The following ARHGAP15 variants were observed in gnomAD, a reference collection of about 807,000 sequenced individuals.
ARHGAP15 encodes the protein Rho GTPase activating protein 15, also known as rho GTPase-activating protein 15.
Under a neutral mutation model 63.7 loss-of-function variants are expected in ARHGAP15, and 51 were observed. The ratio of observed to expected loss-of-function variants is 0.80; its 90% confidence interval spans 0.64 to 1.01. The LOEUF (loss-of-function observed/expected upper bound fraction) is 1.01, where lower values mean the gene tolerates loss of function less well. ARHGAP15 is among the 50% of genes least tolerant of loss of function. The pLI, the probability that ARHGAP15 is intolerant of heterozygous loss-of-function variation, is 0.00. For missense variants in ARHGAP15, 560 were observed against 564.6 expected (o/e 0.99, Z 0.08); for synonymous variants, 191 against 193.8 (o/e 0.99, Z 0.12).
chr2:143,555,239 G>A (rs916417464), intron 10 of ARHGAP15, among the ~76,000 whole-genome samples: 2 of 152,054 alleles, frequency 1.3e-5, no homozygotes, highest in Non-Finnish European at 1.5e-5. Flanking sequence ...AAATGGTAAA[G>A]CAATAAATGA....
chr2:143,721,157 G>A (rs962980464), intron 13 of ARHGAP15, among the ~76,000 whole-genome samples: 1 of 151,656 alleles, frequency 6.6e-6, no homozygotes, highest in East Asian at 1.9e-4. Context: ...TGCCACTGCT[G>A]CTGCTGGTCT....
chr2:143,765,109 A>ATGTGTGTGTG lies in ARHGAP15; in HGVS notation c.1245-2851_1245-2842dup, dbSNP rs60894627. Among the ~76,000 whole-genome samples, 1,297 of 147,600 alleles carry ATGTGTGTGTG rather than the reference A, an allele frequency of 8.8e-3. 20 individuals carry two copies. The highest frequency in any genetic ancestry group is 0.031 in the African/African-American group (1,217 of 39,660). ...CTATCTCCATATTTGCCTCTAAAATATGTGTGTGTGTGTGTGTGTGTGTGT... is the reference window on the plus strand; with the variant it reads ...CTATCTCCATATTTGCCTCTAAAATATGTGTGTGTGTGTGTGTGTGTGTGTGTGTGTGTGT... On this transcript the variant is annotated intron_variant, in intron 13 of 13. Coordinates refer to ENST00000295095, the MANE Select transcript of ARHGAP15 (RefSeq NM_018460.4).
intron 12 of ARHGAP15, among the ~76,000 whole-genome samples, chr2:143,687,442 A>G (rs558419067): frequency 2.0e-5 from 3 of 152,328 alleles, no homozygotes; most frequent in African/African-American, 7.2e-5. Context: ...ATTTACATAC[A>G]TGGCACTGCA....
chr2:143,314,408 G>A (rs996755486), intron 6 of ARHGAP15: 1 of 152,184 alleles, frequency 6.6e-6, no homozygotes, highest in Non-Finnish European at 1.5e-5. Context: ...CACATGGCTG[G>A]GATGAGGCTG....
chr2:143,419,263 G>A (rs1688811392), intron 6 of ARHGAP15, among the ~76,000 whole-genome samples: 1 of 152,062 alleles, frequency 6.6e-6, no homozygotes, highest in South Asian at 2.1e-4. Context: ...AATATGAATT[G>A]AAATGGGCTT....
At chr2:143,531,070 C>CAG (rs1694501852) in intron 10 of ARHGAP15, among the ~76,000 whole-genome samples, 1 of 151,808 alleles carries the variant, frequency 6.6e-6, no homozygotes, top group African/African-American at 2.4e-5. Context: ...ACCTTTTTCA[C>CAG]AGAGACTACA....
intron 6 of ARHGAP15, among the ~76,000 whole-genome samples, chr2:143,269,562 T>C (rs1681165154): frequency 6.6e-6 from 1 of 152,170 alleles, no homozygotes; most frequent in African/African-American, 2.4e-5. Flanking sequence ...CTCTGAGCAT[T>C]TTCCATGAAG....
chr2:143,504,213 G>A (rs1456507385), intron 9 of ARHGAP15, among the ~76,000 whole-genome samples: 1 of 152,122 alleles, frequency 6.6e-6, no homozygotes, highest in African/African-American at 2.4e-5. Flanking sequence ...TTAGGAGTTT[G>A]TATTCTACTT....
chr2:143,313,337 A>G (rs986661408), intron 6 of ARHGAP15, among the ~76,000 whole-genome samples: 2 of 152,208 alleles, frequency 1.3e-5, no homozygotes, highest in Non-Finnish European at 2.9e-5. Flanking sequence ...TTTTATGGAT[A>G]GAAAATTAAA....
At chr2:143,669,764 C>G (rs149074774) in intron 12 of ARHGAP15, among the ~76,000 whole-genome samples, 1 of 152,202 alleles carries the variant, frequency 6.6e-6, no homozygotes, top group Non-Finnish European at 1.5e-5. Context: ...CAGCAAAACA[C>G]TTGCCTCAGG....
At chr2:143,273,570 A>C (rs1181338852) in intron 6 of ARHGAP15, among the ~76,000 whole-genome samples, 1 of 152,182 alleles carries the variant, frequency 6.6e-6, no homozygotes, top group Non-Finnish European at 1.5e-5. Flanking sequence ...CAGGCCACTT[A>C]CTAGTTGGAT....
intron 12 of ARHGAP15, among the ~76,000 whole-genome samples, chr2:143,635,297 C>G (rs202072932): frequency 1.4e-5 from 2 of 141,316 alleles, no homozygotes; most frequent in East Asian, 4.4e-4. Context: ...AAGCAATTCT[C>G]CTGCCTCAGC....
intron 10 of ARHGAP15, 29 bp downstream of exon 10, chr2:143,519,393 C>T (rs762255400): frequency 1.3e-6 from 2 of 1,541,534 alleles, no homozygotes; most frequent in South Asian, 2.2e-5. Context: ...AGCAGTTCCC[C>T]CCATTACTGC....
intron 12 of ARHGAP15, among the ~76,000 whole-genome samples, chr2:143,683,873 C>G (rs1349369825): frequency 6.6e-6 from 1 of 152,160 alleles, no homozygotes; most frequent in Non-Finnish European, 1.5e-5. Context: ...TAATCACAAC[C>G]TGCAAGGGTA....
chr2:143,504,513 CG>C (rs1693214213), intron 9 of ARHGAP15, among the ~76,000 whole-genome samples: 1 of 152,156 alleles, frequency 6.6e-6, no homozygotes, highest in African/African-American at 2.4e-5. Flanking sequence ...TTAATTCCTA[CG>C]TAATCGCAAT....
rs373898944 is a variant in ARHGAP15, at chr2:143,277,092, C to A, written c.474+26492C>A. Among the ~76,000 whole-genome samples, 3 of 152,100 alleles carry A rather than the reference C, an allele frequency of 2.0e-5. No individual in the cohort carries two copies. In the East Asian group the frequency reaches 5.8e-4, roughly 29 times the overall value. On this transcript the variant is annotated intron_variant, in intron 6 of 13. Coordinates refer to ENST00000295095, the MANE Select transcript of ARHGAP15 (RefSeq NM_018460.4). ...CTGTGATTGTCATTTGTGTTTTGATCCTGGATTTACTGAAATGCTTCCTTA... is the reference window on the plus strand; with the variant it reads ...CTGTGATTGTCATTTGTGTTTTGATACTGGATTTACTGAAATGCTTCCTTA...
At chr2:143,382,431 C>T (rs1471365486) in intron 6 of ARHGAP15, among the ~76,000 whole-genome samples, 1 of 152,128 alleles carries the variant, frequency 6.6e-6, no homozygotes, top group Non-Finnish European at 1.5e-5. Flanking sequence ...CCTTTGCTGT[C>T]ACATGGTGTT....
chr2:143,456,523 C>T (rs574783948), intron 8 of ARHGAP15, among the ~76,000 whole-genome samples: 8 of 151,848 alleles, frequency 5.3e-5, no homozygotes, highest in African/African-American at 1.9e-4. Context: ...TGTAATCAAT[C>T]TATATATATT....
intron 6 of ARHGAP15, among the ~76,000 whole-genome samples, chr2:143,420,705 C>G (rs1200854831): frequency 1.3e-5 from 2 of 152,140 alleles, no homozygotes; most frequent in African/African-American, 4.8e-5. Context: ...GATATCCTAT[C>G]AGGTATCTGC....
Sources: gnomAD v4.1 joint callset for allele counts (sites outside exome capture counted in the v4.1 genomes callset) on GRCh38, gnomAD v4.1.1 for gene constraint, MANE v1.5 for transcripts, NCBI Gene and HGNC (gene_info 2026-07-23, HGNC 2026-07-21) for gene names.